The following RANBP17 variants were observed in gnomAD, a reference collection of about 807,000 sequenced individuals.
The protein encoded by RANBP17 is ran-binding protein 17.
In RANBP17, 158 loss-of-function variants were observed where a neutral mutation model predicts 141.2. That is an observed-to-expected ratio of 1.12 (90% CI 0.98 to 1.28). The LOEUF (loss-of-function observed/expected upper bound fraction) is 1.28, where lower values mean the gene tolerates loss of function less well. RANBP17 is among the 50% of genes most tolerant of loss of function. The pLI is 0.00. For missense variants in RANBP17, 1,438 were observed against 1,290.7 expected, an observed-to-expected ratio of 1.11 and a Z score of -1.75; for synonymous variants, 430 against 450.0, an observed-to-expected ratio of 0.96 and a Z score of 0.56.
At chr5:171,203,412 G>A (rs1762409261) in intron 19 of RANBP17, among the ~76,000 whole-genome samples, 1 of 152,038 alleles carries the variant, frequency 6.6e-6, no homozygotes, top group Non-Finnish European at 1.5e-5. Flanking sequence ...GTAGATTATT[G>A]CAGTATTATC....
chr5:171,087,116 C>T (rs1785725120), intron 14 of RANBP17, among the ~76,000 whole-genome samples: 1 of 142,052 alleles, frequency 7.0e-6, no homozygotes, highest in Non-Finnish European at 1.5e-5. Flanking sequence ...TATAAATTTC[C>T]CTCTACACAC....
chr5:170,981,892 A>G (rs866451070), intron 14 of RANBP17, among the ~76,000 whole-genome samples: 45 of 152,288 alleles, frequency 3.0e-4, no homozygotes, highest in African/African-American at 8.2e-4. Flanking sequence ...TGGAGACTCT[A>G]GATACCTTTG....
intron 14 of RANBP17, among the ~76,000 whole-genome samples, chr5:171,155,608 C>T (rs906894703): frequency 1.3e-5 from 2 of 152,012 alleles, no homozygotes; most frequent in South Asian, 2.1e-4. Context: ...AAAGATAACT[C>T]CCACAAATTC....
intron 18 of RANBP17, among the ~76,000 whole-genome samples, chr5:171,186,105 C>T (rs1233822330): frequency 1.3e-5 from 2 of 152,168 alleles, no homozygotes; most frequent in East Asian, 3.9e-4. Flanking sequence ...TGGGCACTGG[C>T]ATCAACTTCA....
At chr5:170,964,723 G>A (rs1358752560) in intron 13 of RANBP17, among the ~76,000 whole-genome samples, 2 of 152,186 alleles carry the variant, frequency 1.3e-5, no homozygotes, top group African/African-American at 4.8e-5. Context: ...CAAAGGACAT[G>A]AACTCATCAT....
At chr5:170,964,594 G>C (rs2127521728) in intron 13 of RANBP17, among the ~76,000 whole-genome samples, 1 of 152,068 alleles carries the variant, frequency 6.6e-6, no homozygotes, top group Non-Finnish European at 1.5e-5. Flanking sequence ...TCCCCTTCCT[G>C]TGTCCATGTG....
At chr5:171,089,187 C>G (rs1308427583) in intron 14 of RANBP17, among the ~76,000 whole-genome samples, 49 of 145,264 alleles carry the variant, frequency 3.4e-4, no homozygotes, top group African/African-American at 9.9e-4. Context: ...AGACAGGACC[C>G]TCAGCTGCAG....
At chr5:171,254,856 G>A (rs1246485113) in intron 24 of RANBP17, among the ~76,000 whole-genome samples, 4 of 152,072 alleles carry the variant, frequency 2.6e-5, no homozygotes, top group Non-Finnish European at 5.9e-5. Flanking sequence ...TGCTAAAACT[G>A]TTGACTATGG....
chr5:171,218,368 C>T (rs911800342), intron 21 of RANBP17, among the ~76,000 whole-genome samples: 2 of 152,002 alleles, frequency 1.3e-5, no homozygotes, highest in Non-Finnish European at 2.9e-5. Flanking sequence ...TATATTCTGT[C>T]GATTTGGGGT....
chr5:170,864,554 A>T (rs1393658538), intron 1 of RANBP17, among the ~76,000 whole-genome samples: 6 of 152,188 alleles, frequency 3.9e-5, no homozygotes, highest in African/African-American at 1.4e-4. Context: ...CAAAGGAATT[A>T]ATGGGTCTGG....
intron 14 of RANBP17, 56 bp downstream of exon 14, chr5:170,968,433 A>G (rs747704630): frequency 2.7e-6 from 4 of 1,459,240 alleles, no homozygotes; most frequent in East Asian, 2.3e-5. Context: ...AAAGATGTAC[A>G]TATATAACTG....
At chr5:171,275,325 A>G (rs927071577) in intron 25 of RANBP17, among the ~76,000 whole-genome samples, 1 of 152,232 alleles carries the variant, frequency 6.6e-6, no homozygotes, top group African/African-American at 2.4e-5. Flanking sequence ...GCATTTAATC[A>G]TTATGGGGAT....
At chr5:171,109,479 AGTC>A (rs1561664033) in intron 14 of RANBP17, among the ~76,000 whole-genome samples, 1 of 152,210 alleles carries the variant, frequency 6.6e-6, no homozygotes, top group African/African-American at 2.4e-5. Flanking sequence ...TTGAAATGAC[AGTC>A]GTCCCTCAGT....
At chr5:171,057,963 T>C (rs1013157915) in intron 14 of RANBP17, among the ~76,000 whole-genome samples, 1 of 152,066 alleles carries the variant, frequency 6.6e-6, no homozygotes, top group African/African-American at 2.4e-5. Flanking sequence ...AGCCAAACCA[T>C]ATCATATATT....
At chr5:171,046,621 G>T (rs80218944) in intron 14 of RANBP17, among the ~76,000 whole-genome samples, 1 of 152,056 alleles carries the variant, frequency 6.6e-6, no homozygotes, top group African/African-American at 2.4e-5. Flanking sequence ...CAGTGCTACA[G>T]TAAACATGCT....
intron 14 of RANBP17, among the ~76,000 whole-genome samples, chr5:171,075,487 G>A (rs1307655593): frequency 6.6e-6 from 1 of 152,194 alleles, no homozygotes; most frequent in Non-Finnish European, 1.5e-5. Flanking sequence ...AATGTCCAGA[G>A]TAGGCAATTC....
At chr5:171,038,690 A>G (rs1032420292) in intron 14 of RANBP17, among the ~76,000 whole-genome samples, 2 of 152,116 alleles carry the variant, frequency 1.3e-5, no homozygotes, top group Admixed American at 1.3e-4. Context: ...TTTTTTCCAC[A>G]TCTATTGAGA....
chr5:170,873,732 T>C (rs1767940683), intron 1 of RANBP17, among the ~76,000 whole-genome samples: 1 of 152,202 alleles, frequency 6.6e-6, no homozygotes, highest in South Asian at 2.1e-4. Context: ...TCTTCTCTCT[T>C]TTCTCCTTTA....
chr5:170,983,613 G>T (rs1019060343), intron 14 of RANBP17, among the ~76,000 whole-genome samples: 6 of 152,190 alleles, frequency 3.9e-5, no homozygotes, highest in African/African-American at 1.4e-4. Context: ...AGTTGAAAAT[G>T]GGTTGACTTG....
Sources: allele counts gnomAD v4.1 joint callset (sites outside exome capture counted in the v4.1 genomes callset), GRCh38; gene constraint gnomAD v4.1.1; transcripts MANE v1.5; gene names NCBI Gene and HGNC (gene_info 2026-07-23, HGNC 2026-07-21).